The following EPB41L3 variants were observed in gnomAD, a reference collection of about 807,000 sequenced individuals.
The protein encoded by EPB41L3 is erythrocyte membrane protein band 4.1 like 3, also known as band 4.1-like protein 3.
EPB41L3 carries 57 observed loss-of-function variants against 127.1 expected under a neutral mutation model. The observed-to-expected ratio is 0.45, with a 90% CI of 0.36 to 0.56. The LOEUF (loss-of-function observed/expected upper bound fraction) is 0.56. Among genes scored for constraint, EPB41L3 ranks in the 20% least tolerant of loss-of-function variants. EPB41L3 has a pLI of 0.00. For synonymous variants in EPB41L3, 572 were observed against 549.5 expected, an observed-to-expected ratio of 1.04 and a Z score of -0.57; for missense variants, 1,273 against 1,372.2, an observed-to-expected ratio of 0.93 and a Z score of 1.14.
At chr18:5,582,121 TTAG>T (rs747293204) in intron 3 of EPB41L3, among the ~76,000 whole-genome samples, 1 of 152,254 alleles carries the variant, frequency 6.6e-6, no homozygotes, top group Non-Finnish European at 1.5e-5. Context: ...TTATGGTATC[TTAG>T]TAGAAAGCCC....
intron 1 of EPB41L3, among the ~76,000 whole-genome samples, chr18:5,531,179 A>G (rs2093399991): frequency 6.6e-6 from 1 of 152,190 alleles, no homozygotes. Flanking sequence ...TTTGTAGATG[A>G]GTGTATGTTT....
At position 5,535,620 on chromosome 18, in the gene EPB41L3, G is replaced by C. The variant is rs182670214; in HGVS notation, c.-12+8293C>G. 8.9e-4 allele frequency among the ~76,000 whole-genome samples: 135 copies of C among 152,318 alleles called. 1 individual carries two copies. Among genetic ancestry groups the C allele is most frequent in the Middle Eastern group, 3.4e-3 (1 of 294 alleles). On this transcript the variant is annotated intron_variant, in intron 1 of 22. Coordinates refer to ENST00000341928, the MANE Select transcript of EPB41L3 (RefSeq NM_012307.5). The stretch of plus-strand genomic sequence containing the variant: ...AATATGCAACTGTCCGGGCCAGCCT[G>C]AGACCTCTAGATGCCCCGATGGCAT...
chr18:5,414,058 A>G (rs2076505743), intron 13 of EPB41L3, among the ~76,000 whole-genome samples: 2 of 152,220 alleles, frequency 1.3e-5, no homozygotes, highest in Admixed American at 6.5e-5. Context: ...AAAAGCATAA[A>G]ACAGCAATCT....
At position 5,416,005 on chromosome 18, in the gene EPB41L3, A is replaced by C; in HGVS notation, c.1880T>G (p.Ile627Ser). ...ACAGGGCACAAGGGACGGTGAGCGG[A>C]TCGGGAGGTAATGCTGCAAGCTCTG... ...LPQSLQHYLP[I>S]RSPSLVPCFL... The change falls in exon 13 of 23, where the codon ATC (isoleucine) becomes AGC (serine). Residue 627 changes from isoleucine (I) to serine (S), a missense_variant. By Grantham distance (142) the Ile-to-Ser change is moderately radical. This residue lies in a region of EPB41L3 where 765 missense variants were observed against 782.9 expected (regional missense o/e 0.98). Transcript: ENST00000341928. 6.2e-7 allele frequency: 1 copy of C among 1,614,106 alleles called. No homozygotes were observed. Among genetic ancestry groups the C allele is most frequent in the Non-Finnish European group, 8.5e-7 (1 of 1,179,994 alleles).
Position 5,615,155 on chromosome 18 carries a change from A to G in EPB41L3, c.-467-732T>C, listed in dbSNP as rs144765014. Among the ~76,000 whole-genome samples the G allele has an allele frequency of 3.8e-3, 579 of 152,324 alleles. 4 individuals carry two copies. The highest frequency in any genetic ancestry group is 0.017 in the Middle Eastern group (5 of 294). ...GCTTTAAAAATGCTAAAGATATCAG[A>G]GAAAAAAAAAGCACAAAATTGAAAT... is the stretch of plus-strand genomic sequence containing the variant. On this transcript the variant is annotated intron_variant, in intron 1 of 21. Transcript: ENST00000545076.
intron 9 of EPB41L3, among the ~76,000 whole-genome samples, chr18:5,426,462 G>A (rs568463715): frequency 6.6e-5 from 10 of 151,980 alleles, no homozygotes; most frequent in Admixed American, 3.3e-4. Flanking sequence ...GTTCCCTCCC[G>A]TCTATTCCCA....
chr18:5,393,502 T>G (rs1389934177), intron 22 of EPB41L3, 24 bp from the exon 23 acceptor site: 3 of 701,260 alleles, frequency 4.3e-6, no homozygotes, highest in Non-Finnish European at 5.2e-6. Context: ...ATTTGATTAG[T>G]TACTCATTTG....
At chr18:5,496,831 A>G (rs552910863) in intron 1 of EPB41L3, among the ~76,000 whole-genome samples, 103 of 152,324 alleles carry the variant, frequency 6.8e-4, no homozygotes, top group South Asian at 2.5e-3. Context: ...TTTCCTGAAC[A>G]GCTGTTTTGA....
upstream of EPB41L3, among the ~76,000 whole-genome samples, chr18:5,548,009 C>T (rs537289464): frequency 9.2e-5 from 14 of 152,300 alleles, no homozygotes; most frequent in South Asian, 1.0e-3. Context: ...CCCTAATAGA[C>T]ATTCACACTC....
chr18:5,469,220 G>A (rs1408541437), intron 3 of EPB41L3, among the ~76,000 whole-genome samples: 1 of 152,204 alleles, frequency 6.6e-6, no homozygotes, highest in Non-Finnish European at 1.5e-5. Context: ...CACCCCTTCT[G>A]GGAGCCCAGA....
At chr18:5,457,226 T>C (rs1324335536) in intron 3 of EPB41L3, among the ~76,000 whole-genome samples, 1 of 150,992 alleles carries the variant, frequency 6.6e-6, no homozygotes, top group Non-Finnish European at 1.5e-5. Context: ...AACATTCTAT[T>C]CAAGCAAAAG....
At chr18:5,446,665 A>G (rs1009697790) in intron 3 of EPB41L3, among the ~76,000 whole-genome samples, 3 of 152,240 alleles carry the variant, frequency 2.0e-5, no homozygotes, top group African/African-American at 7.2e-5. Context: ...GCAATTACGC[A>G]GTCCCCTCAA....
At chr18:5,457,727 G>A (rs1305445844) in intron 3 of EPB41L3, among the ~76,000 whole-genome samples, 1 of 151,882 alleles carries the variant, frequency 6.6e-6, no homozygotes, top group Admixed American at 6.6e-5. Context: ...ACCTCACCTC[G>A]CTCCCTGTGA....
chr18:5,416,090 G>A lies in EPB41L3; in HGVS notation c.1795C>T (p.Leu599Phe). The change falls in exon 13 of 23, where the codon CTC (leucine) becomes TTC (phenylalanine). Residue 599 changes from leucine (L) to phenylalanine (F), a missense_variant. Transcript: ENST00000341928. ...GAGAGGTATCCATCATCATCTAGGA[G>A]GGAGGGGAATGACTCAGGGAGCTGC... The part of the protein sequence containing the change: ...SLQLPESFPS[L>F]LDDDGYLSFP... The A allele has an allele frequency of 1.9e-6, 3 of 1,612,664 alleles. No homozygotes were observed. Among genetic ancestry groups the A allele is most frequent in the Non-Finnish European group, 2.5e-6 (3 of 1,179,022 alleles).
At chr18:5,405,004 G>A (rs1375629250) in intron 16 of EPB41L3, among the ~76,000 whole-genome samples, 3 of 152,154 alleles carry the variant, frequency 2.0e-5, no homozygotes, top group Non-Finnish European at 4.4e-5. Context: ...AAGTGTAATG[G>A]TACAAGAATA....
chr18:5,437,329 C>T (rs1252833176), intron 6 of EPB41L3, among the ~76,000 whole-genome samples: 2 of 152,156 alleles, frequency 1.3e-5, no homozygotes, highest in African/African-American at 4.8e-5. Flanking sequence ...ATTCTGCAAC[C>T]CAGAAGCAGA....
At chr18:5,530,579 C>G (rs1254476811) in intron 1 of EPB41L3, among the ~76,000 whole-genome samples, 2 of 152,092 alleles carry the variant, frequency 1.3e-5, no homozygotes, top group African/African-American at 4.8e-5. Flanking sequence ...CCATCTTACT[C>G]GTCAGCCACA....
chr18:5,494,861 G>A (rs78910847), intron 1 of EPB41L3, among the ~76,000 whole-genome samples: 22,793 of 152,060 alleles, frequency 0.15, 1,821 homozygotes, highest in Non-Finnish European at 0.17. Context: ...AGAGCGAGAC[G>A]GACACAGGCA....
intron 1 of EPB41L3, among the ~76,000 whole-genome samples, chr18:5,541,072 G>A (rs1164405827): frequency 1.4e-4 from 18 of 131,306 alleles, no homozygotes; most frequent in Non-Finnish European, 2.5e-4. Flanking sequence ...GCGACAGAGC[G>A]AGACTCCGTC....
Sources: gnomAD v4.1 joint callset for allele counts (sites outside exome capture counted in the v4.1 genomes callset) on GRCh38, gnomAD v4.1.1 for gene constraint, gnomAD v4.1.1 regional missense constraint, MANE v1.5 for transcripts, NCBI Gene and HGNC (gene_info 2026-07-23, HGNC 2026-07-21) for gene names.